The following GALNT13 variants were observed in gnomAD, a reference collection of about 807,000 sequenced individuals.
GALNT13 encodes the protein polypeptide N-acetylgalactosaminyltransferase 13.
A neutral mutation model predicts 64.2 loss-of-function variants in GALNT13; 28 were observed. The observed-to-expected ratio is 0.44, with a 90% CI of 0.32 to 0.60. The LOEUF (loss-of-function observed/expected upper bound fraction) is 0.60, where lower values mean the gene tolerates loss of function less well. Among genes scored for constraint, GALNT13 ranks in the 20% least tolerant of loss-of-function variants. The pLI is 0.05. For missense variants in GALNT13, 577 were observed against 669.8 expected (o/e 0.86, Z 1.53); for synonymous variants, 214 against 224.6 (o/e 0.95, Z 0.42).
intron 9 of GALNT13, among the ~76,000 whole-genome samples, chr2:154,334,582 T>A (rs1379802864): frequency 2.0e-5 from 3 of 148,048 alleles, no homozygotes; most frequent in Non-Finnish European, 4.5e-5. Context: ...TAACCACTTA[T>A]TTGCTTGCAT....
At chr2:154,328,947 T>A (rs1382269185) in intron 9 of GALNT13, among the ~76,000 whole-genome samples, 1 of 152,172 alleles carries the variant, frequency 6.6e-6, no homozygotes, top group Non-Finnish European at 1.5e-5. Flanking sequence ...CCATCAATAT[T>A]TCTTCCTCTT....
the GALNT13 span, among the ~76,000 whole-genome samples, chr2:153,466,381 T>G: frequency 2.1e-4 from 32 of 152,120 alleles, no homozygotes; most frequent in Admixed American, 7.9e-4. Flanking sequence ...TTTTCCTCAG[T>G]GGTAAATACT....
chr2:153,545,772 C>G, the GALNT13 span, among the ~76,000 whole-genome samples: 5 of 152,274 alleles, frequency 3.3e-5, no homozygotes, highest in Middle Eastern at 3.4e-3. Flanking sequence ...CAACTCTGGT[C>G]TGGCCACACT....
At chr2:153,876,684 G>T (rs774789243) in intron 1 of GALNT13, among the ~76,000 whole-genome samples, 3 of 151,926 alleles carry the variant, frequency 2.0e-5, no homozygotes, top group Non-Finnish European at 4.4e-5. Context: ...GATTACAGGT[G>T]GCTAAAGACA....
At chr2:153,695,802 T>C in the GALNT13 span, among the ~76,000 whole-genome samples, 8 of 152,318 alleles carry the variant, frequency 5.3e-5, no homozygotes, top group East Asian at 1.5e-3. Flanking sequence ...AGCACATTTT[T>C]ATTTTACAAG....
chr2:153,884,903 G>A (rs1323843104), intron 1 of GALNT13, among the ~76,000 whole-genome samples: 4 of 141,856 alleles, frequency 2.8e-5, no homozygotes, highest in East Asian at 2.1e-4. Context: ...GCCGAGCGTC[G>A]TGGCACGCAC....
chr2:154,039,677 A>G (rs1698868769), intron 3 of GALNT13, among the ~76,000 whole-genome samples: 1 of 139,410 alleles, frequency 7.2e-6, no homozygotes, highest in African/African-American at 2.5e-5. Context: ...ACTAGATGGG[A>G]GGAAAAAGTT....
At chr2:154,385,073 A>G (rs553466052) in intron 9 of GALNT13, among the ~76,000 whole-genome samples, 1 of 152,020 alleles carries the variant, frequency 6.6e-6, no homozygotes, top group Non-Finnish European at 1.5e-5. Context: ...ATCATTGATT[A>G]TAAAACATAG....
intron 3 of GALNT13, among the ~76,000 whole-genome samples, chr2:154,000,413 CCTTT>C (rs2105218583): frequency 6.6e-6 from 1 of 151,838 alleles, no homozygotes; most frequent in African/African-American, 2.4e-5. Context: ...TTATTTGAAA[CCTTT>C]CTTCTTTTTT....
At chr2:153,967,775 C>T (rs1693471747) in intron 3 of GALNT13, among the ~76,000 whole-genome samples, 1 of 152,070 alleles carries the variant, frequency 6.6e-6, no homozygotes, top group African/African-American at 2.4e-5. Flanking sequence ...ATATTTTTGT[C>T]AAGGCCCAAG....
intron 9 of GALNT13, among the ~76,000 whole-genome samples, chr2:154,360,847 G>A (rs1697027350): frequency 6.6e-6 from 1 of 152,094 alleles, no homozygotes; most frequent in Non-Finnish European, 1.5e-5. Flanking sequence ...ATTCAGAGAA[G>A]GAAGGATGAG....
the GALNT13 span, among the ~76,000 whole-genome samples, chr2:153,141,970 C>T: frequency 1.3e-5 from 2 of 151,910 alleles, no homozygotes; most frequent in African/African-American, 2.4e-5. Context: ...AATTTAGGAA[C>T]GAATAAGCTT....
At chr2:153,345,628 C>T in the GALNT13 span, among the ~76,000 whole-genome samples, 1,071 of 107,720 alleles carry the variant, frequency 9.9e-3, 10 homozygotes, top group Non-Finnish European at 0.015. Context: ...CTTTTCTTTT[C>T]CTTTCTTTTT....
At chr2:153,411,774 G>A in the GALNT13 span, among the ~76,000 whole-genome samples, 1,639 of 152,258 alleles carry the variant, frequency 0.011, 20 homozygotes, top group African/African-American at 0.037. Context: ...TGGTAGAAAT[G>A]CTTTTGCCTC....
At chr2:154,255,308 A>G (rs1409177820) in intron 7 of GALNT13, among the ~76,000 whole-genome samples, 2 of 152,196 alleles carry the variant, frequency 1.3e-5, no homozygotes, top group East Asian at 3.9e-4. Flanking sequence ...GTTGAAGGTT[A>G]AAAGTTGCTA....
intron 2 of GALNT13, among the ~76,000 whole-genome samples, chr2:153,908,860 T>C (rs760100875): frequency 6.6e-6 from 1 of 152,128 alleles, no homozygotes; most frequent in Non-Finnish European, 1.5e-5. Flanking sequence ...TGAGATATCT[T>C]GCCTTGGATA....
chr2:153,478,151 C>T, the GALNT13 span: 2 of 1,057,122 alleles, frequency 1.9e-6, no homozygotes, highest in Non-Finnish European at 2.7e-6. Context: ...AGGTTTGCTT[C>T]GCCCAGTCTC....
the GALNT13 span, among the ~76,000 whole-genome samples, chr2:153,552,768 T>C: frequency 6.6e-6 from 1 of 151,938 alleles, no homozygotes; most frequent in Non-Finnish European, 1.5e-5. Flanking sequence ...TTTTAAAAGA[T>C]GGTGGTTGGG....
At chr2:153,472,057 A>G in the GALNT13 span, among the ~76,000 whole-genome samples, 142 of 152,322 alleles carry the variant, frequency 9.3e-4, 2 homozygotes, top group African/African-American at 3.3e-3. Flanking sequence ...TATGAACTAC[A>G]TGATCCTGCT....
Sources: allele counts gnomAD v4.1 joint callset (sites outside exome capture counted in the v4.1 genomes callset), GRCh38; gene constraint gnomAD v4.1.1; transcripts MANE v1.5; gene names NCBI Gene and HGNC (gene_info 2026-07-23, HGNC 2026-07-21).